The following BBS12 variants were observed in gnomAD, a reference collection of about 807,000 sequenced individuals.
The protein encoded by BBS12 is chaperonin-containing T-complex member BBS12.
BBS12 carries 5 observed loss-of-function variants against 5.6 expected under a neutral mutation model. The ratio of observed to expected loss-of-function variants is 0.89; its 90% confidence interval spans 0.46 to 1.86. BBS12 has a LOEUF of 1.86. BBS12 is among the 40% of genes most tolerant of loss of function. The pLI, the probability that BBS12 is intolerant of heterozygous loss-of-function variation, is 0.01. For missense variants in BBS12, 748 were observed against 830.4 expected (o/e 0.90, Z 1.22); for synonymous variants, 308 against 306.8 (o/e 1.00, Z -0.04).
At chr4:122,709,960 ATTCTT>A in the BBS12 span, among the ~76,000 whole-genome samples, 6 of 152,194 alleles carry the variant, frequency 3.9e-5, no homozygotes, top group African/African-American at 7.2e-5. Flanking sequence ...CTGGCAATAC[ATTCTT>A]TTCAAAACTC....
chr4:122,735,797 T>C (rs1191119597), intron 1 of BBS12, among the ~76,000 whole-genome samples: 1 of 152,098 alleles, frequency 6.6e-6, no homozygotes, highest in Non-Finnish European at 1.5e-5. Context: ...AAGAGAGAGA[T>C]GTAGTCTATA....
chr4:122,744,197 A>G lies in BBS12; in HGVS notation c.*172A>G, dbSNP rs769933894. 1.3e-4 allele frequency: 93 copies of G among 699,128 alleles called. No individual in the cohort carries two copies. Among genetic ancestry groups the G allele is most frequent in the Admixed American group, 6.7e-4 (24 of 35,980 alleles). 43.3% of individuals were successfully genotyped at this position (699,128 alleles called of 1,614,324 possible). On this transcript the variant is annotated 3_prime_UTR_variant, in exon 2 of 2. Coordinates refer to ENST00000314218, the MANE Select transcript of BBS12 (RefSeq NM_152618.3). Reference sequence around the variant, plus strand: ...GAGATTTTACCCTACTTATAAGCTAACAAGTTAGCCTGTTACTGTTTCGTG... The same window carrying G: ...GAGATTTTACCCTACTTATAAGCTAGCAAGTTAGCCTGTTACTGTTTCGTG...
chr4:122,743,963 A>G lies in BBS12; in HGVS notation c.2071A>G (p.Ile691Val), dbSNP rs535036148. Residue 691 changes from isoleucine (I) to valine (V), a missense_variant, in exon 2 of 2, where the codon ATT becomes GTT. Ile to Val is a conservative substitution (Grantham distance 29). Transcript: ENST00000314218. ...AGTACTTCAGACAGACAGTGAAATA[A>G]TTACTGGACATGGACACACACAGAT... ...LLVLQTDSEI[I>V]TGHGHTQINS... 6.2e-7 allele frequency: 1 copy of G among 1,613,236 alleles called. No individual in the cohort carries two copies. The highest frequency in any genetic ancestry group is 1.7e-5 in the Admixed American group (1 of 59,812).
chr4:122,707,448 AT>A, the BBS12 span, among the ~76,000 whole-genome samples: 1 of 152,182 alleles, frequency 6.6e-6, no homozygotes, highest in Non-Finnish European at 1.5e-5. Flanking sequence ...ATAGATCTAT[AT>A]ATCACATCTT....
chr4:122,719,875 G>A, the BBS12 span, among the ~76,000 whole-genome samples: 1 of 152,158 alleles, frequency 6.6e-6, no homozygotes, highest in African/African-American at 2.4e-5. Flanking sequence ...TACCCTATGA[G>A]TAAGGACAAA....
upstream of BBS12, chr4:122,730,072 G>A (rs1346758945): frequency 1.1e-4 from 16 of 152,140 alleles, no homozygotes; most frequent in Non-Finnish European, 1.5e-5. Context: ...GTGCTATTTT[G>A]AATTTTCTTT....
the BBS12 span, among the ~76,000 whole-genome samples, chr4:122,715,385 CT>C: frequency 2.0e-5 from 3 of 151,362 alleles, no homozygotes; most frequent in Non-Finnish European, 4.4e-5. Flanking sequence ...TAAAATCCTG[CT>C]TTGACAAGTA....
Position 122,744,794 on chromosome 4 carries a change from T to C in BBS12, c.*769T>C, listed in dbSNP as rs1407987850. The stretch of plus-strand genomic sequence containing the variant: ...AGCAGGATGAAGCCAACCTGCAGTA[T>C]TAACCTCAGTCCTGTCCCCCAAGGT... On this transcript the variant is annotated 3_prime_UTR_variant, in exon 2 of 2. Transcript: ENST00000314218. The C allele has an allele frequency of 6.0e-6, 1 of 167,162 alleles. No homozygotes were observed. The highest frequency in any genetic ancestry group is 2.4e-5 in the African/African-American group (1 of 41,462). The allele number at this position is 167,162 out of a possible 1,614,324, so 10.4% of individuals were successfully genotyped here. A position where few individuals can be genotyped will look rare whatever the true frequency, so the allele number is the denominator to read the frequency against.
At chr4:122,704,038 C>T in the BBS12 span, among the ~76,000 whole-genome samples, 2 of 151,992 alleles carry the variant, frequency 1.3e-5, no homozygotes, top group Admixed American at 1.3e-4. Context: ...TTTGTAGAGA[C>T]GGTATCCCAC....
chr4:122,723,054 A>T, the BBS12 span, among the ~76,000 whole-genome samples: 1 of 152,168 alleles, frequency 6.6e-6, no homozygotes, highest in Non-Finnish European at 1.5e-5. Context: ...AATTTTATCA[A>T]GTGTGGGTTT....
At chr4:122,704,881 T>C in the BBS12 span, among the ~76,000 whole-genome samples, 1 of 152,328 alleles carries the variant, frequency 6.6e-6, no homozygotes, top group South Asian at 2.1e-4. Context: ...CCTTCCTGTG[T>C]CCACAGCCAT....
Position 122,742,473 on chromosome 4 carries a change from T to C in BBS12, c.581T>C (p.Leu194Pro). ...ATTTCCAACCTTTCTGGGAGACCTC[T>C]TAAATCATATGAATTATTTAAACCT... ...LTISNLSGRP[L>P]KSYELFKPQT... The change falls in exon 2 of 2, where the codon CTT becomes CCT. Residue 194 changes from leucine to proline, a missense_variant. Coordinates refer to ENST00000314218, the MANE Select transcript of BBS12 (RefSeq NM_152618.3). The C allele has an allele frequency of 3.1e-6, 5 of 1,614,154 alleles. No homozygotes were observed. The highest frequency in any genetic ancestry group is 4.2e-6 in the Non-Finnish European group (5 of 1,180,010).
In BBS12 at chr4:122,741,869, TA is replaced by T; in HGVS notation, c.-10-13del. The T allele has an allele frequency of 6.2e-7, 1 of 1,606,158 alleles. No homozygotes were observed. Among genetic ancestry groups the T allele is most frequent in the Non-Finnish European group, 8.5e-7 (1 of 1,173,008 alleles). On this transcript the variant is annotated splice_polypyrimidine_tract_variant and intron_variant, in intron 1 of 1. Transcript: ENST00000314218. ...TATACTGAATAAAGTTACAAGTTTT[TA>T]TTTTGTTTGCAGATCATGATACATG...
the BBS12 span, among the ~76,000 whole-genome samples, chr4:122,724,540 C>T: frequency 2.2e-3 from 329 of 152,250 alleles, 4 homozygotes; most frequent in Middle Eastern, 0.024. Flanking sequence ...TCTGCCTTTA[C>T]CTGACTGTGA....
chr4:122,733,658 G>A (rs1297174480), intron 1 of BBS12, among the ~76,000 whole-genome samples: 1 of 152,130 alleles, frequency 6.6e-6, no homozygotes, highest in African/African-American at 2.4e-5. Flanking sequence ...AAAGGACAGG[G>A]GAGAAAGACT....
the BBS12 span, among the ~76,000 whole-genome samples, chr4:122,726,187 C>T: frequency 0.37 from 56,084 of 151,858 alleles, 10,864 homozygotes; most frequent in East Asian, 0.65. Context: ...CAACAAAGGA[C>T]CAATATCCAG....
upstream of BBS12, among the ~76,000 whole-genome samples, chr4:122,728,349 T>G (rs1800651515): frequency 6.6e-6 from 1 of 152,220 alleles, no homozygotes; most frequent in South Asian, 2.1e-4. Context: ...TTATTTGTAT[T>G]GTTATGCAAC....
the BBS12 span, among the ~76,000 whole-genome samples, chr4:122,707,133 G>C: frequency 6.9e-6 from 1 of 144,850 alleles, no homozygotes; most frequent in African/African-American, 2.6e-5. Flanking sequence ...GAACTCATGG[G>C]CTCAAGCAAT....
At chr4:122,724,230 A>G in the BBS12 span, among the ~76,000 whole-genome samples, 23 of 152,200 alleles carry the variant, frequency 1.5e-4, no homozygotes, top group Admixed American at 1.5e-3. Flanking sequence ...TGTTGTAATC[A>G]AAGTGTCAAC....
Sources: allele counts gnomAD v4.1 joint callset (sites outside exome capture counted in the v4.1 genomes callset), GRCh38; gene constraint gnomAD v4.1.1; transcripts MANE v1.5; gene names NCBI Gene and HGNC (gene_info 2026-07-23, HGNC 2026-07-21).